The following SAMMSON variants were observed in gnomAD, a reference collection of about 807,000 sequenced individuals.
SAMMSON encodes the protein long intergenic non-protein coding RNA 1212.
At chr3:70,020,415 G>C (rs2067008340) in intron 3 of SAMMSON, among the ~76,000 whole-genome samples, 1 of 152,156 alleles carries the variant, frequency 6.6e-6, no homozygotes, top group Non-Finnish European at 1.5e-5. Flanking sequence ...CAAATGCTCT[G>C]GATTTGCACT....
chr3:70,428,665 A>C (rs917666156), intron 2 of SAMMSON, among the ~76,000 whole-genome samples: 2 of 152,216 alleles, frequency 1.3e-5, no homozygotes, highest in Admixed American at 6.5e-5. Flanking sequence ...TGTCCAAAAT[A>C]TCTCTCTAAT....
intron 4 of SAMMSON, among the ~76,000 whole-genome samples, chr3:70,203,431 T>G (rs900703751): frequency 6.6e-6 from 1 of 152,118 alleles, no homozygotes; most frequent in Non-Finnish European, 1.5e-5. Flanking sequence ...ATCCCTGATG[T>G]TATCAATTTT....
At chr3:70,346,455 G>C (rs865975428) in intron 7 of SAMMSON, among the ~76,000 whole-genome samples, 1 of 151,690 alleles carries the variant, frequency 6.6e-6, no homozygotes, top group Non-Finnish European at 1.5e-5. Flanking sequence ...TTGATTAATT[G>C]TGGTTAAGGT....
chr3:69,999,865 A>T (rs1339825647), exon 1 of SAMMSON: 1 of 152,314 alleles, frequency 6.6e-6, no homozygotes, highest in Non-Finnish European at 1.5e-5. Context: ...CCAGCGGGAC[A>T]AGGTGGAGTT....
chr3:70,396,851 A>G (rs1701097976), intron 2 of SAMMSON, among the ~76,000 whole-genome samples: 1 of 152,186 alleles, frequency 6.6e-6, no homozygotes, highest in African/African-American at 2.4e-5. Flanking sequence ...GTGTTGGGGA[A>G]GTGTTGGGGA....
intron 6 of SAMMSON, among the ~76,000 whole-genome samples, chr3:70,273,499 A>C (rs896464304): frequency 6.6e-6 from 1 of 152,154 alleles, no homozygotes; most frequent in African/African-American, 2.4e-5. Context: ...CTAAAACAGT[A>C]AACTCCAGAT....
At chr3:70,422,585 A>G (rs986140628) in intron 2 of SAMMSON, among the ~76,000 whole-genome samples, 2 of 152,056 alleles carry the variant, frequency 1.3e-5, no homozygotes, top group Non-Finnish European at 2.9e-5. Flanking sequence ...TAGTTTTGTA[A>G]ACATCTAAAA....
intron 1 of SAMMSON, among the ~76,000 whole-genome samples, chr3:70,002,954 A>T (rs1280959092): frequency 6.6e-6 from 1 of 152,170 alleles, no homozygotes; most frequent in Non-Finnish European, 1.5e-5. Flanking sequence ...TAGATGTTAA[A>T]ATATCCTACT....
chr3:70,149,954 C>G (rs763504469), intron 4 of SAMMSON, among the ~76,000 whole-genome samples: 1 of 152,060 alleles, frequency 6.6e-6, no homozygotes, highest in East Asian at 1.9e-4. Context: ...AAGGCATACT[C>G]TCTAAATTAC....
chr3:70,329,340 G>A (rs1702603574), intron 7 of SAMMSON, among the ~76,000 whole-genome samples: 1 of 151,984 alleles, frequency 6.6e-6, no homozygotes, highest in South Asian at 2.1e-4. Flanking sequence ...GACAATTATT[G>A]GCAAAGCTCT....
At chr3:70,426,282 T>C (rs982509518) in intron 2 of SAMMSON, among the ~76,000 whole-genome samples, 1 of 152,210 alleles carries the variant, frequency 6.6e-6, no homozygotes, top group African/African-American at 2.4e-5. Context: ...TTGAATGAAG[T>C]TCCTGTCCCC....
chr3:70,434,444 C>G (rs985755629), intron 2 of SAMMSON, among the ~76,000 whole-genome samples: 1 of 152,060 alleles, frequency 6.6e-6, no homozygotes. Context: ...TATAAGAAAG[C>G]AATTGATTTT....
At chr3:70,297,742 A>C (rs973905602) in intron 7 of SAMMSON, among the ~76,000 whole-genome samples, 1 of 152,036 alleles carries the variant, frequency 6.6e-6, no homozygotes, top group African/African-American at 2.4e-5. Context: ...ATGTGTTAAG[A>C]AGTCAGGTAA....
chr3:70,008,792 T>C (rs2066941214), intron 1 of SAMMSON, among the ~76,000 whole-genome samples: 1 of 152,204 alleles, frequency 6.6e-6, no homozygotes, highest in Non-Finnish European at 1.5e-5. Context: ...AAATAGCTCT[T>C]ATTATTTTGA....
Position 70,167,165 on chromosome 3 carries a change from G to A in SAMMSON, n.508-81942G>A, listed in dbSNP as rs79754750. On this transcript the variant is annotated intron_variant and non_coding_transcript_variant, in intron 4 of 9. Coordinates refer to ENST00000642114, the Ensembl canonical transcript of SAMMSON. Reference sequence around the variant, plus strand: ...TTAAAATCCAATGTGTACTGTACACGTTATATTTTAAGTTCTCATAGTCAC... The same window carrying A: ...TTAAAATCCAATGTGTACTGTACACATTATATTTTAAGTTCTCATAGTCAC... Among the ~76,000 whole-genome samples the A allele has an allele frequency of 6.7e-3, 1,010 of 151,828 alleles. 15 individuals are homozygous for A. Among genetic ancestry groups the A allele is most frequent in the African/African-American group, 0.023 (960 of 41,436 alleles).
intron 7 of SAMMSON, among the ~76,000 whole-genome samples, chr3:70,302,903 G>A (rs1367178477): frequency 1.3e-5 from 2 of 152,000 alleles, no homozygotes; most frequent in Non-Finnish European, 2.9e-5. Context: ...AGGCTTAGTT[G>A]GAAAGAAATT....
At chr3:70,275,546 A>G (rs140567160) in intron 6 of SAMMSON, among the ~76,000 whole-genome samples, 1 of 152,108 alleles carries the variant, frequency 6.6e-6, no homozygotes, top group African/African-American at 2.4e-5. Context: ...ATCAAATCAA[A>G]AAAACAAAGG....
intron 4 of SAMMSON, among the ~76,000 whole-genome samples, chr3:70,159,027 T>C (rs902568408): frequency 2.0e-5 from 3 of 152,076 alleles, no homozygotes; most frequent in African/African-American, 4.8e-5. Flanking sequence ...CTATACTTTT[T>C]AAAAAATTGA....
At chr3:70,291,832 T>C (rs570981234) in intron 7 of SAMMSON, 1 of 152,344 alleles carries the variant, frequency 6.6e-6, no homozygotes, top group African/African-American at 2.4e-5. Flanking sequence ...TCTTTCAAGA[T>C]GTGCTGTCTG....
Sources: gnomAD v4.1 joint callset for allele counts (sites outside exome capture counted in the v4.1 genomes callset) on GRCh38, gnomAD v4.1.1 for gene constraint, MANE v1.5 for transcripts, NCBI Gene and HGNC (gene_info 2026-07-23, HGNC 2026-07-21) for gene names.